PEPD: variants seen among roughly 807,000 people sequenced by gnomAD.
PEPD encodes the protein xaa-Pro dipeptidase.
Under a neutral mutation model 60.7 loss-of-function variants are expected in PEPD, and 53 were observed. The ratio of observed to expected loss-of-function variants is 0.87; its 90% CI spans 0.70 to 1.10. The LOEUF (loss-of-function observed/expected upper bound fraction) is 1.10. PEPD is among the 50% of genes least tolerant of loss of function. The probability of loss-of-function intolerance (pLI) is 0.00; values close to 1 mark genes in which losing one functional copy is unlikely to be tolerated. For synonymous variants in PEPD, 267 were observed against 284.1 expected (o/e 0.94, Z 0.60); for missense variants, 711 against 711.9 (o/e 1.00, Z 0.01).
intron 3 of PEPD, among the ~76,000 whole-genome samples, chr19:33,504,552 T>A (rs954671566): frequency 2.0e-5 from 3 of 152,076 alleles, no homozygotes; most frequent in Admixed American, 6.6e-5. Flanking sequence ...TCACCTGAGG[T>A]CAGGAGTTCA....
Position 33,492,316 on chromosome 19 carries a change from C to T in PEPD, c.441+974G>A, listed in dbSNP as rs533968329. On this transcript the variant is annotated intron_variant, in intron 5 of 14. Transcript: ENST00000244137. ...CCCTGCTACCTTGAGGGCAGACGCC[C>T]GGTGGTGTGGTTTTCAGACCCCTTT... 4.6e-5 allele frequency among the ~76,000 whole-genome samples: 7 copies of T among 152,244 alleles called. No homozygotes were observed. The South Asian group carries it at 6.2e-4, about 14-fold the overall frequency.
At chr19:33,436,086 AAAG>A (rs1376932841) in intron 9 of PEPD, among the ~76,000 whole-genome samples, 1 of 152,062 alleles carries the variant, frequency 6.6e-6, no homozygotes, top group Non-Finnish European at 1.5e-5. Flanking sequence ...AGCAGAGGAG[AAAG>A]AAGCAGAGGA....
chr19:33,390,467 T>C (rs1211416724), intron 13 of PEPD, among the ~76,000 whole-genome samples: 2 of 152,238 alleles, frequency 1.3e-5, no homozygotes, highest in African/African-American at 4.8e-5. Context: ...CAAAAAATCA[T>C]TCTTAGTGCT....
At chr19:33,401,997 T>G (rs1968508714) in intron 11 of PEPD, 128 bp from the exon 12 acceptor site, 1 of 843,160 alleles carries the variant, frequency 1.2e-6, no homozygotes, top group South Asian at 1.4e-5. Context: ...CCCCTCACAA[T>G]GAGACCGGTG....
At chr19:33,514,310 C>G (rs774993385) in intron 1 of PEPD, among the ~76,000 whole-genome samples, 1 of 152,012 alleles carries the variant, frequency 6.6e-6, no homozygotes, top group East Asian at 1.9e-4. Context: ...GAAACCTGCC[C>G]TCACAGCACA....
intron 10 of PEPD, among the ~76,000 whole-genome samples, chr19:33,412,849 A>G (rs1968808220): frequency 6.6e-6 from 1 of 152,162 alleles, no homozygotes; most frequent in Non-Finnish European, 1.5e-5. Flanking sequence ...GGGAGAGCGC[A>G]GGAGACGAGG....
At chr19:33,402,084 T>C (rs532362768) in intron 11 of PEPD, among the ~76,000 whole-genome samples, 1 of 152,240 alleles carries the variant, frequency 6.6e-6, no homozygotes, top group African/African-American at 2.4e-5. Context: ...AAGACCTGTG[T>C]CTTCCAGGGA....
At chr19:33,509,092 G>A (rs1970870848) in intron 3 of PEPD, among the ~76,000 whole-genome samples, 1 of 152,246 alleles carries the variant, frequency 6.6e-6, no homozygotes, top group Admixed American at 6.5e-5. Flanking sequence ...GACCTGCACA[G>A]GTCACACCAG....
chr19:33,517,612 T>C (rs187706410), intron 1 of PEPD, among the ~76,000 whole-genome samples: 42 of 151,330 alleles, frequency 2.8e-4, no homozygotes, highest in Non-Finnish European at 5.2e-4. Flanking sequence ...GAATGGTACG[T>C]AGGTTTCACT....
rs1449303692 is a variant in PEPD, at chr19:33,394,044, T to C, written c.968-2565A>G. ...CGTCCCCTGGACGGATCTGCTCGTT[T>C]GCTTCTCATGTCTCACTCCGAGGGT... On this transcript the variant is annotated intron_variant, in intron 12 of 14. Coordinates refer to ENST00000244137, the MANE Select transcript of PEPD (RefSeq NM_000285.4). Among the ~76,000 whole-genome samples, 12 of 152,250 alleles carry C rather than the reference T, an allele frequency of 7.9e-5. 1 individual carries two copies. The highest frequency in any genetic ancestry group is 7.8e-4 in the Admixed American group (12 of 15,292).
At chr19:33,409,088 T>C (rs1380030609) in intron 11 of PEPD, among the ~76,000 whole-genome samples, 2 of 152,252 alleles carry the variant, frequency 1.3e-5, no homozygotes, top group African/African-American at 4.8e-5. Flanking sequence ...GCAGGTGCCA[T>C]GTGCTGTCCC....
chr19:33,486,121 T>C (rs557587539), intron 6 of PEPD, among the ~76,000 whole-genome samples: 2 of 152,242 alleles, frequency 1.3e-5, no homozygotes, highest in South Asian at 2.1e-4. Context: ...TTCAGAGATC[T>C]ACCATGTCTG....
intron 6 of PEPD, among the ~76,000 whole-genome samples, chr19:33,481,606 C>T (rs972304517): frequency 2.0e-5 from 3 of 151,970 alleles, no homozygotes; most frequent in Non-Finnish European, 2.9e-5. Flanking sequence ...TCTAAACAGA[C>T]CTTAACAAGA....
rs180672915 is a variant in PEPD, at chr19:33,404,545, C to T, written c.819-2676G>A. Among the ~76,000 whole-genome samples the T allele has an allele frequency of 3.9e-5, 6 of 152,304 alleles. No homozygotes were observed. The East Asian group carries it at 7.7e-4, about 20-fold the overall frequency. ...GGAATGTAAAAACAAGACTGTTCTC[C>T]AGTGCAGACCAGACTCAGATCCCAG... On this transcript the variant is annotated intron_variant, in intron 11 of 14. Transcript: ENST00000244137.
At chr19:33,453,317 A>T (rs368766240) in intron 9 of PEPD, among the ~76,000 whole-genome samples, 115 of 148,754 alleles carry the variant, frequency 7.7e-4, no homozygotes, top group Middle Eastern at 3.5e-3. Context: ...CTGTCATAAA[A>T]AAATAAATAA....
At chr19:33,459,331 C>G (rs148401503) in intron 9 of PEPD, among the ~76,000 whole-genome samples, 1 of 152,178 alleles carries the variant, frequency 6.6e-6, no homozygotes, top group East Asian at 1.9e-4. Flanking sequence ...TCATACACAT[C>G]GCGTTATTAA....
At position 33,521,791 on chromosome 19, in the gene PEPD, C is replaced by T. The variant is rs566130356; in HGVS notation, c.-31G>A. 8.0e-6 allele frequency: 11 copies of T among 1,375,346 alleles called. No individual in the cohort carries two copies. Among genetic ancestry groups the T allele is most frequent in the East Asian group, 3.9e-5 (1 of 25,512 alleles). 85.2% of individuals were successfully genotyped at this position (1,375,346 alleles called of 1,614,324 possible). On this transcript the variant is annotated 5_prime_UTR_variant, in exon 1 of 15. Coordinates refer to ENST00000244137, the MANE Select transcript of PEPD (RefSeq NM_000285.4). Reference sequence around the variant, plus strand: ...CCCGGCACCGGCGTCACGTGAAGTGCGGCGTCAGCTGAGCCCCTCCGGGTG... The same window carrying T: ...CCCGGCACCGGCGTCACGTGAAGTGTGGCGTCAGCTGAGCCCCTCCGGGTG...
chr19:33,436,290 A>G (rs1969375429), intron 9 of PEPD, among the ~76,000 whole-genome samples: 1 of 151,930 alleles, frequency 6.6e-6, no homozygotes, highest in Non-Finnish European at 1.5e-5. Context: ...AGAAAGAAGC[A>G]TGGGAGGAAG....
chr19:33,510,126 TCA>T, intron 3 of PEPD, among the ~76,000 whole-genome samples: 1 of 152,358 alleles, frequency 6.6e-6, no homozygotes, highest in African/African-American at 2.4e-5. Flanking sequence ...TCAGGCATTT[TCA>T]CAGACGGAGA....
Sources: allele counts gnomAD v4.1 joint callset (sites outside exome capture counted in the v4.1 genomes callset), GRCh38; gene constraint gnomAD v4.1.1; transcripts MANE v1.5; gene names NCBI Gene and HGNC (gene_info 2026-07-23, HGNC 2026-07-21).